Variants in GRM1 observed in about 807,000 individuals in gnomAD.
GRM1 encodes the protein metabotropic glutamate receptor 1.
A neutral mutation model predicts 90.9 loss-of-function variants in GRM1; 33 were observed. The observed-to-expected ratio is 0.36, with a 90% CI of 0.28 to 0.49. GRM1 has a LOEUF of 0.49. Among genes scored for constraint, GRM1 ranks in the 20% least tolerant of loss-of-function variants. The probability of loss-of-function intolerance (pLI) is 0.99; values close to 1 mark genes in which losing one functional copy is unlikely to be tolerated. For missense variants in GRM1, 1,190 were observed against 1,534.3 expected (o/e 0.78, Z 3.75); for synonymous variants, 700 against 613.2 (o/e 1.14, Z -2.09).
intron 2 of GRM1, among the ~76,000 whole-genome samples, chr6:146,245,515 T>G (rs1781026121): frequency 6.6e-6 from 1 of 152,214 alleles, no homozygotes; most frequent in Admixed American, 6.5e-5. Flanking sequence ...ATGCAAAGAT[T>G]GAAATAGGTG....
Position 146,176,938 on chromosome 6 carries a change from C to A in GRM1, c.950+17341C>A, listed in dbSNP as rs78635826. On this transcript the variant is annotated intron_variant, in intron 2 of 7. Coordinates refer to ENST00000282753, the MANE Select transcript of GRM1 (RefSeq NM_001278064.2). ...TCTAAAGTGATACCAATATTAACATCTCTCATATTAGGGCTATTGCGACCT... is the reference window on the plus strand; with the variant it reads ...TCTAAAGTGATACCAATATTAACATATCTCATATTAGGGCTATTGCGACCT... Among the ~76,000 whole-genome samples, 145 of 152,164 alleles carry A rather than the reference C, an allele frequency of 9.5e-4. 1 individual carries two copies. The highest frequency in any genetic ancestry group is 3.4e-3 in the African/African-American group (141 of 41,562).
At position 146,387,544 on chromosome 6, in the gene GRM1, A is replaced by G. The variant is rs185364564; in HGVS notation, c.1729+528A>G. On this transcript the variant is annotated intron_variant, in intron 6 of 7. Transcript: ENST00000282753. ...GAAAAATATAATAAAACATAATATA[A>G]TTATTGAAATAATAGAGATATCTAT... is the stretch of plus-strand genomic sequence containing the variant. Among the ~76,000 whole-genome samples, 296 of 152,212 alleles carry G rather than the reference A, an allele frequency of 1.9e-3. 1 individual carries two copies. The highest frequency in any genetic ancestry group is 7.0e-3 in the African/African-American group (291 of 41,566).
chr6:146,253,766 T>A (rs979528921), intron 2 of GRM1, among the ~76,000 whole-genome samples: 2 of 152,162 alleles, frequency 1.3e-5, no homozygotes, highest in Non-Finnish European at 2.9e-5. Flanking sequence ...AACTATTCAC[T>A]GACAAATCTT....
rs765500811 is a variant in GRM1, at chr6:146,399,661, C to A, written c.2622C>A (p.Asn874Lys). Residue 874 changes from asparagine to lysine, a missense_variant, in exon 7 of 8, where the codon AAC becomes AAA. This residue lies in a region of GRM1 where 400 missense variants were observed against 360.8 expected (regional missense o/e 1.11). Coordinates refer to ENST00000282753, the MANE Select transcript of GRM1 (RefSeq NM_001278064.2). The surrounding 1 kb of genome is among the most constrained non-coding windows in gnomAD (Gnocchi z 5.4). ...CCTGCCGCTCCAACACTTTCCTCAACATCTTCCGAAGAAAGAAGGCAGGGG... is the reference window on the plus strand; with the variant it reads ...CCTGCCGCTCCAACACTTTCCTCAAAATCTTCCGAAGAAAGAAGGCAGGGG... ...KLPCRSNTFL[N>K]IFRRKKAGAG... is the part of the protein sequence containing the mutation. The A allele has an allele frequency of 1.2e-5, 19 of 1,613,672 alleles. No homozygotes were observed. The highest frequency in any genetic ancestry group is 1.4e-5 in the Non-Finnish European group (17 of 1,179,944).
chr6:146,229,960 A>G (rs986491390), intron 2 of GRM1, among the ~76,000 whole-genome samples: 1 of 152,140 alleles, frequency 6.6e-6, no homozygotes, highest in Non-Finnish European at 1.5e-5. Flanking sequence ...AACTACAACT[A>G]TGTATACTTT....
At chr6:146,174,017 A>G (rs1279819774) in intron 2 of GRM1, among the ~76,000 whole-genome samples, 1 of 152,070 alleles carries the variant, frequency 6.6e-6, no homozygotes, top group Non-Finnish European at 1.5e-5. Flanking sequence ...GTGTGCTCAC[A>G]TATTTGGAAG....
chr6:146,253,635 C>T (rs1285400270), intron 2 of GRM1, among the ~76,000 whole-genome samples: 1 of 152,082 alleles, frequency 6.6e-6, no homozygotes, highest in African/African-American at 2.4e-5. Context: ...GCAGAACACC[C>T]TAAGCTGTAT....
intron 1 of GRM1, among the ~76,000 whole-genome samples, chr6:146,040,538 C>T (rs538486329): frequency 2.1e-4 from 32 of 152,036 alleles, no homozygotes; most frequent in African/African-American, 7.0e-4. Context: ...TTGCTGGGTA[C>T]AGTATTCTCA....
intron 2 of GRM1, among the ~76,000 whole-genome samples, chr6:146,217,376 C>T (rs1195401406): frequency 3.9e-5 from 6 of 152,160 alleles, no homozygotes; most frequent in African/African-American, 1.4e-4. Context: ...CACTTGCGTT[C>T]TTCTCGACTG....
intron 1 of GRM1, among the ~76,000 whole-genome samples, chr6:146,097,630 C>G (rs1234030347): frequency 6.6e-6 from 1 of 152,166 alleles, no homozygotes; most frequent in Non-Finnish European, 1.5e-5. Flanking sequence ...AGTATCTTCC[C>G]CCCCTACATT....
intron 2 of GRM1, among the ~76,000 whole-genome samples, chr6:146,211,002 G>A (rs189117019): frequency 1.8e-3 from 278 of 151,658 alleles, no homozygotes; most frequent in African/African-American, 6.2e-3. Context: ...TGACCCTTTC[G>A]GAAAAAAACT....
intron 1 of GRM1, among the ~76,000 whole-genome samples, chr6:146,121,067 T>C (rs1383919093): frequency 1.3e-5 from 2 of 152,188 alleles, no homozygotes; most frequent in Non-Finnish European, 2.9e-5. Flanking sequence ...CGTCTCGTCC[T>C]GGGCTTTTTT....
chr6:146,352,136 G>C, intron 3 of GRM1, 114 bp from the exon 4 acceptor site: 2 of 1,047,020 alleles, frequency 1.9e-6, no homozygotes, highest in Non-Finnish European at 3.0e-6. Context: ...GCTTCTGCCA[G>C]TGTCATTGCT....
At chr6:146,361,172 C>G (rs914040433) in intron 5 of GRM1, among the ~76,000 whole-genome samples, 2 of 152,154 alleles carry the variant, frequency 1.3e-5, no homozygotes, top group Admixed American at 1.3e-4. Context: ...ATGGTCTGAC[C>G]TGGGTCCTGC....
chr6:146,311,008 T>C (rs2114941864), intron 3 of GRM1, among the ~76,000 whole-genome samples: 1 of 152,356 alleles, frequency 6.6e-6, no homozygotes, highest in East Asian at 1.9e-4. Context: ...ATAAAGGTAT[T>C]CATAGCTTTG....
intron 1 of GRM1, among the ~76,000 whole-genome samples, chr6:146,135,506 T>A (rs1436022342): frequency 2.0e-5 from 3 of 152,214 alleles, no homozygotes; most frequent in Non-Finnish European, 4.4e-5. Flanking sequence ...TAGTAAGAGA[T>A]GTCGGAGGTT....
intron 2 of GRM1, among the ~76,000 whole-genome samples, chr6:146,192,017 A>G (rs1778949419): frequency 6.6e-6 from 1 of 152,220 alleles, no homozygotes; most frequent in Non-Finnish European, 1.5e-5. Context: ...GTTTGTGCTA[A>G]GACCAAGTAA....
chr6:146,145,497 G>A (rs529876407), intron 1 of GRM1, among the ~76,000 whole-genome samples: 2 of 152,254 alleles, frequency 1.3e-5, no homozygotes, highest in South Asian at 4.2e-4. Context: ...CTCAACTATG[G>A]CTCAAGTAGC....
intron 5 of GRM1, among the ~76,000 whole-genome samples, chr6:146,376,618 G>A (rs1352362257): frequency 1.3e-5 from 2 of 152,000 alleles, no homozygotes; most frequent in Admixed American, 6.6e-5. Flanking sequence ...CTCCTGGCCT[G>A]TAAAGTTTCC....
Sources: gnomAD v4.1 joint callset for allele counts (sites outside exome capture counted in the v4.1 genomes callset) on GRCh38, gnomAD v4.1.1 for gene constraint, gnomAD v4.1.1 regional missense constraint, Gnocchi (gnomAD v3.1) non-coding constraint, MANE v1.5 for transcripts, NCBI Gene and HGNC (gene_info 2026-07-23, HGNC 2026-07-21) for gene names.